Variants in MAPK8 observed in about 807,000 individuals in gnomAD.
MAPK8 encodes JUN N-terminal kinase.
Under a neutral mutation model 52.9 loss-of-function variants are expected in MAPK8, and 13 were observed. That is an observed-to-expected ratio of 0.25 (90% CI 0.16 to 0.39). The LOEUF is 0.39. Ranked by LOEUF, MAPK8 falls within the 10% of genes least tolerant of loss-of-function variation. The probability of loss-of-function intolerance (pLI) is 1.00; values close to 1 mark genes in which losing one functional copy is unlikely to be tolerated. For synonymous variants in MAPK8, 191 were observed against 169.8 expected, an observed-to-expected ratio of 1.12 and a Z score of -0.97; for missense variants, 300 against 519.2, an observed-to-expected ratio of 0.58 and a Z score of 4.10.
At position 48,410,053 on chromosome 10, in the gene MAPK8, A is replaced by G. The variant is rs2042668485; in HGVS notation, c.335A>G (p.Asp112Gly). The G allele has an allele frequency of 6.2e-7, 1 of 1,603,126 alleles. No homozygotes were observed. Among genetic ancestry groups the G allele is most frequent in the Non-Finnish European group, 8.5e-7 (1 of 1,175,538 alleles). The stretch of plus-strand genomic sequence containing the variant: ...AGTTACATAGTCATGGAGCTCATGG[A>G]TGCAAATCTTTGCCAAGTGATTCAG... Reference protein sequence around the residue: ...QDVYIVMELMDANLCQVIQME... With the variant: ...QDVYIVMELMGANLCQVIQME... The change falls in exon 5 of 12, where the codon GAT becomes GGT. Residue 112 changes from aspartate (D) to glycine (G), a missense_variant. Transcript: ENST00000374189.
At chr10:48,375,191 C>A (rs2263102) in intron 1 of MAPK8, among the ~76,000 whole-genome samples, 82,124 of 151,972 alleles carry the variant, frequency 0.54, 22,388 homozygotes, top group Middle Eastern at 0.73. Flanking sequence ...ATTCAGCAGC[C>A]CCTCATGCTA....
chr10:48,337,977 C>G (rs576668872), intron 1 of MAPK8, among the ~76,000 whole-genome samples: 141 of 152,114 alleles, frequency 9.3e-4, no homozygotes, highest in African/African-American at 3.4e-3. Context: ...CACAAAAAGC[C>G]CTGAACCAAA....
chr10:48,398,340 G>A (rs2041992432), intron 1 of MAPK8, among the ~76,000 whole-genome samples: 1 of 151,838 alleles, frequency 6.6e-6, no homozygotes, highest in East Asian at 1.9e-4. Context: ...TACATAAACG[G>A]CATATAAGCC....
At chr10:48,422,787 A>G (rs901247996) in intron 6 of MAPK8, among the ~76,000 whole-genome samples, 2 of 152,236 alleles carry the variant, frequency 1.3e-5, no homozygotes. Flanking sequence ...TCATTTTAAT[A>G]TGACATTTTA....
chr10:48,432,542 G>A (rs987126580), intron 11 of MAPK8, among the ~76,000 whole-genome samples: 4 of 152,118 alleles, frequency 2.6e-5, no homozygotes, highest in African/African-American at 9.7e-5. Flanking sequence ...AATGCTTTGT[G>A]TAATTAATTA....
At chr10:48,409,142 A>G (rs534869800) in intron 3 of MAPK8, among the ~76,000 whole-genome samples, 1 of 152,282 alleles carries the variant, frequency 6.6e-6, no homozygotes, top group African/African-American at 2.4e-5. Context: ...AAGGAATTAC[A>G]GCATGAACAG....
At chr10:48,335,835 A>G (rs1182526237) in intron 1 of MAPK8, among the ~76,000 whole-genome samples, 1 of 152,226 alleles carries the variant, frequency 6.6e-6, no homozygotes, top group Non-Finnish European at 1.5e-5. Flanking sequence ...TTAACAAGGT[A>G]ACTGCAGGGA....
intron 1 of MAPK8, among the ~76,000 whole-genome samples, chr10:48,380,842 CAA>C (rs1294432997): frequency 6.6e-6 from 1 of 152,150 alleles, no homozygotes; most frequent in African/African-American, 2.4e-5. Context: ...GTCATTTAAA[CAA>C]AGTGATAAGT....
intron 1 of MAPK8, among the ~76,000 whole-genome samples, chr10:48,323,401 T>G (rs1052352416): frequency 8.5e-5 from 13 of 152,194 alleles, no homozygotes; most frequent in African/African-American, 2.9e-4. Flanking sequence ...CCTAGGATAC[T>G]GAGTCATTAA....
chr10:48,307,537 C>T (rs959714077), intron 1 of MAPK8, among the ~76,000 whole-genome samples: 1 of 152,154 alleles, frequency 6.6e-6, no homozygotes, highest in Non-Finnish European at 1.5e-5. Context: ...ATCTCTTTGT[C>T]TCGCATTTGT....
At chr10:48,412,672 A>G (rs1391782395) in intron 5 of MAPK8, among the ~76,000 whole-genome samples, 1 of 152,184 alleles carries the variant, frequency 6.6e-6, no homozygotes. Flanking sequence ...AGGGTCCCAC[A>G]CTGAAAATGT....
intron 10 of MAPK8, chr10:48,430,317 T>C (rs7896768): frequency 0.96 from 146,711 of 152,250 alleles, 70,871 homozygotes; most frequent in East Asian, 1. Context: ...TTGTCTCAAA[T>C]TCCTGACCTC....
intron 1 of MAPK8, among the ~76,000 whole-genome samples, chr10:48,368,902 C>T (rs879567091): frequency 6.6e-6 from 1 of 152,154 alleles, no homozygotes; most frequent in Non-Finnish European, 1.5e-5. Flanking sequence ...TGTATACTGT[C>T]TTCTCTTAAC....
chr10:48,389,982 G>C (rs1236760442), intron 1 of MAPK8, among the ~76,000 whole-genome samples: 1 of 152,168 alleles, frequency 6.6e-6, no homozygotes, highest in Non-Finnish European at 1.5e-5. Flanking sequence ...CAGCTTGCAA[G>C]CTGAAGACCC....
intron 1 of MAPK8, among the ~76,000 whole-genome samples, chr10:48,316,509 G>A (rs1001680190): frequency 1.3e-5 from 2 of 152,224 alleles, no homozygotes; most frequent in African/African-American, 4.8e-5. Flanking sequence ...GCACCCAGAG[G>A]CAGCTCCCGG....
At chr10:48,424,511 C>A in intron 7 of MAPK8, 1 of 1,554,812 alleles carries the variant, frequency 6.4e-7, no homozygotes, top group Admixed American at 2.0e-5. Flanking sequence ...ATTTTGTTTT[C>A]AGTTGACATT....
At chr10:48,426,786 A>G in intron 9 of MAPK8, 1 of 482,934 alleles carries the variant, frequency 2.1e-6, no homozygotes, top group Non-Finnish European at 3.7e-6. Flanking sequence ...TAACTCAGGT[A>G]TAAAACAAAT....
At chr10:48,338,231 G>A (rs1844886028) in intron 1 of MAPK8, among the ~76,000 whole-genome samples, 1 of 152,110 alleles carries the variant, frequency 6.6e-6, no homozygotes, top group Non-Finnish European at 1.5e-5. Context: ...ACTGAATCTA[G>A]CAGCACATAA....
intron 1 of MAPK8, among the ~76,000 whole-genome samples, chr10:48,386,801 GA>G: frequency 6.6e-6 from 1 of 152,242 alleles, no homozygotes; most frequent in Admixed American, 6.5e-5. Context: ...CATCTCCATT[GA>G]AATATATATA....
Sources: gnomAD v4.1 joint callset for allele counts (sites outside exome capture counted in the v4.1 genomes callset) on GRCh38, gnomAD v4.1.1 for gene constraint, MANE v1.5 for transcripts, NCBI Gene and HGNC (gene_info 2026-07-23, HGNC 2026-07-21) for gene names.